Variants in CRACD observed in about 807,000 individuals in gnomAD.
The protein encoded by CRACD is capping protein-inhibiting regulator of actin dynamics.
A neutral mutation model predicts 106.8 loss-of-function variants in CRACD; 56 were observed. The observed-to-expected ratio is 0.52, with a 90% CI of 0.42 to 0.66. CRACD has a LOEUF of 0.66. Among genes scored for constraint, CRACD ranks in the 30% least tolerant of loss-of-function variants. The pLI is 0.00. For synonymous variants in CRACD, 754 were observed against 670.8 expected, an observed-to-expected ratio of 1.12 and a Z score of -1.92; for missense variants, 1,730 against 1,623.2, an observed-to-expected ratio of 1.07 and a Z score of -1.13.
At chr4:56,226,460 T>C (rs1033923823) in intron 2 of CRACD, among the ~76,000 whole-genome samples, 2 of 152,194 alleles carry the variant, frequency 1.3e-5, no homozygotes, top group Admixed American at 6.5e-5. Context: ...TTAACCTCCA[T>C]TCCTTAGGGA....
chr4:56,147,231 G>A (rs989973317), intron 1 of CRACD, among the ~76,000 whole-genome samples: 7 of 152,146 alleles, frequency 4.6e-5, no homozygotes, highest in Admixed American at 2.0e-4. Flanking sequence ...TTCATGGAAG[G>A]GCCTGGTGGG....
intron 1 of CRACD, among the ~76,000 whole-genome samples, chr4:56,051,231 G>C (rs1161097551): frequency 6.6e-6 from 1 of 152,146 alleles, no homozygotes; most frequent in Non-Finnish European, 1.5e-5. Context: ...AATACAAGTG[G>C]ATAAAACGTG....
intron 5 of CRACD, among the ~76,000 whole-genome samples, chr4:56,309,742 T>C (rs1166540313): frequency 2.6e-5 from 4 of 152,128 alleles, no homozygotes; most frequent in Non-Finnish European, 4.4e-5. Context: ...TAATCCCAGC[T>C]ACTCGGGAGG....
At chr4:56,266,471 C>A (rs1203393344) in intron 2 of CRACD, among the ~76,000 whole-genome samples, 1 of 152,170 alleles carries the variant, frequency 6.6e-6, no homozygotes, top group South Asian at 2.1e-4. Flanking sequence ...GCCCAACCAC[C>A]CAGCAAAAGT....
chr4:56,294,913 CAAA>C lies in CRACD; in HGVS notation c.-16-3282_-16-3280del, dbSNP rs56200534. Among the ~76,000 whole-genome samples the C allele has an allele frequency of 2.7e-3, 192 of 72,152 alleles. 1 individual carries two copies. Among genetic ancestry groups the C allele is most frequent in the African/African-American group, 6.3e-3 (106 of 16,762 alleles). The allele number at this position is 72,152 out of a possible 152,430, so 47.3% of individuals were successfully genotyped here. On this transcript the variant is annotated intron_variant, in intron 3 of 10. Transcript: ENST00000682029. ...TGGGTAGCAGAGCAAGACCTTGTCT[CAAA>C]AAAAAAAAAAAAAAAAAAGTAAAAA... is the stretch of plus-strand genomic sequence containing the variant.
At chr4:56,069,487 A>T (rs1207964840) in intron 1 of CRACD, among the ~76,000 whole-genome samples, 1 of 152,222 alleles carries the variant, frequency 6.6e-6, no homozygotes, top group East Asian at 1.9e-4. Context: ...TGGGCCAGTG[A>T]GAAGGAAGAC....
chr4:56,207,252 A>G (rs1308729335), intron 2 of CRACD, among the ~76,000 whole-genome samples: 1 of 152,236 alleles, frequency 6.6e-6, no homozygotes, highest in African/African-American at 2.4e-5. Flanking sequence ...AATCTAGAGT[A>G]ATTCTATTAT....
chr4:56,197,267 TA>T (rs766074920), intron 2 of CRACD, among the ~76,000 whole-genome samples: 4,059 of 147,952 alleles, frequency 0.027, 183 homozygotes, highest in African/African-American at 0.092. Context: ...TGGCAGAGAT[TA>T]AAAAAAAAAA....
At chr4:56,169,384 C>T (rs926689214) in intron 1 of CRACD, among the ~76,000 whole-genome samples, 4 of 152,164 alleles carry the variant, frequency 2.6e-5, no homozygotes, top group African/African-American at 9.7e-5. Flanking sequence ...GGGAATAGTA[C>T]TCTCAAAAGG....
chr4:56,226,333 G>C (rs1256095671), intron 2 of CRACD, among the ~76,000 whole-genome samples: 5 of 152,152 alleles, frequency 3.3e-5, no homozygotes, highest in African/African-American at 1.2e-4. Flanking sequence ...GGTTGATTTA[G>C]ATCACCTTTC....
At position 56,272,422 on chromosome 4, in the gene CRACD, A is replaced by G. The variant is rs1742411463; in HGVS notation, c.-87A>G. ...CCGGGTGCCGTCGTTGGGGAAGAAG[A>G]GTTACTCTCACCAGAGTGTCAGCAA... is the stretch of plus-strand genomic sequence containing the variant. On this transcript the variant is annotated 5_prime_UTR_variant, in exon 3 of 11. Transcript: ENST00000682029. 1 of 152,786 alleles carries G rather than the reference A, an allele frequency of 6.5e-6. No homozygotes were observed. The highest frequency in any genetic ancestry group is 2.1e-4 in the South Asian group (1 of 4,830). The allele number at this position is 152,786 out of a possible 1,614,324, so 9.5% of individuals were successfully genotyped here. A position where few individuals can be genotyped will look rare whatever the true frequency, so the allele number is the denominator to read the frequency against.
chr4:56,255,837 G>T (rs868735206), intron 2 of CRACD, among the ~76,000 whole-genome samples: 1 of 152,198 alleles, frequency 6.6e-6, no homozygotes, highest in African/African-American at 2.4e-5. Context: ...ATTTGTGTGT[G>T]TTACTTTGGC....
At chr4:56,221,534 A>G (rs533820872) in intron 2 of CRACD, among the ~76,000 whole-genome samples, 8 of 152,236 alleles carry the variant, frequency 5.3e-5, no homozygotes, top group Non-Finnish European at 1.0e-4. Flanking sequence ...GATTTTCTGC[A>G]CAGCAAAAGA....
intron 2 of CRACD, among the ~76,000 whole-genome samples, chr4:56,222,458 A>G (rs773292287): frequency 5.9e-5 from 9 of 152,316 alleles, no homozygotes; most frequent in Admixed American, 1.3e-4. Context: ...CTTGGGTAAG[A>G]GGTGCACTGA....
intron 2 of CRACD, among the ~76,000 whole-genome samples, chr4:56,240,110 A>G (rs1182941389): frequency 6.6e-6 from 1 of 152,184 alleles, no homozygotes; most frequent in Non-Finnish European, 1.5e-5. Flanking sequence ...GAGCTATAAG[A>G]CATAGTATTC....
In CRACD at chr4:56,316,331, C is replaced by G; in HGVS notation, c.2829C>G (p.Thr943=). 6.2e-7 allele frequency: 1 copy of G among 1,614,064 alleles called. No individual in the cohort carries two copies. The highest frequency in any genetic ancestry group is 8.5e-7 in the Non-Finnish European group (1 of 1,179,922). Residue 943 remains threonine, a synonymous_variant, in exon 8 of 11, where the codon ACC becomes ACG. Transcript: ENST00000682029. Reference sequence around the variant, plus strand: ...GGCCTCCACCGGCCAGCAGCCAGACCCCGGCTCCGGAGCACGACAAGGCAG... The same window carrying G: ...GGCCTCCACCGGCCAGCAGCCAGACGCCGGCTCCGGAGCACGACAAGGCAG... The part of the protein sequence containing the change: ...HPGPPPASSQ[T]PAPEHDKAAN...
At position 56,091,615 on chromosome 4, in the gene CRACD, A is replaced by G. The variant is rs1234060835; in HGVS notation, c.-336+42316A>G. ...GGGAAAGTGAAAGGGATGATCCTGC[A>G]CTGGGCGTTTGAGGAGGTTTTGCTT... is the stretch of plus-strand genomic sequence containing the variant. On this transcript the variant is annotated intron_variant, in intron 1 of 10. Transcript: ENST00000682029. Among the ~76,000 whole-genome samples, 5 of 152,136 alleles carry G rather than the reference A, an allele frequency of 3.3e-5. 1 individual carries two copies. The highest frequency in any genetic ancestry group is 2.0e-4 in the Admixed American group (3 of 15,278).
chr4:56,100,306 C>G (rs547362079), intron 1 of CRACD, among the ~76,000 whole-genome samples: 1 of 152,316 alleles, frequency 6.6e-6, no homozygotes, highest in East Asian at 1.9e-4. Flanking sequence ...AAGAATTAAT[C>G]TCGCTTGAAT....
chr4:56,314,970 C>A lies in CRACD; in HGVS notation c.1468C>A (p.Pro490Thr), dbSNP rs963072559. 1 of 1,588,440 alleles carries A rather than the reference C, an allele frequency of 6.3e-7. No individual in the cohort carries two copies. Among genetic ancestry groups the A allele is most frequent in the Non-Finnish European group, 8.6e-7 (1 of 1,168,842 alleles). ...AAAGAGAGAAGAAGGGGACACGGAG[C>A]CTCTCCTGAAACAAGAGGGGCCGGT... Reference protein sequence around the residue: ...EEKREEGDTEPLLKQEGPVEA... With the variant: ...EEKREEGDTETLLKQEGPVEA... Residue 490 changes from proline to threonine, a missense_variant, in exon 8 of 11, where the codon CCT (proline) becomes ACT (threonine). By Grantham distance (38) the Pro-to-Thr change is conservative (BLOSUM62 -1). Coordinates refer to ENST00000682029, the MANE Select transcript of CRACD (RefSeq NM_001393381.1). The surrounding 1 kb of genome is among the most constrained non-coding windows in gnomAD (Gnocchi z 4.4).
Sources: allele counts gnomAD v4.1 joint callset (sites outside exome capture counted in the v4.1 genomes callset), GRCh38; gene constraint gnomAD v4.1.1; non-coding constraint Gnocchi (gnomAD v3.1); transcripts MANE v1.5; gene names NCBI Gene and HGNC (gene_info 2026-07-23, HGNC 2026-07-21).